REPS2: variants seen among roughly 807,000 people sequenced by gnomAD.
The protein encoded by REPS2 is ralBP1-associated Eps domain-containing protein 2.
In REPS2, 23 loss-of-function variants were observed where a neutral mutation model predicts 53.6. The ratio of observed to expected loss-of-function variants is 0.43; its 90% CI spans 0.31 to 0.61. REPS2 has a LOEUF of 0.61. Among genes scored for constraint, REPS2 ranks in the 20% least tolerant of loss-of-function variants. The pLI, the probability that REPS2 is intolerant of heterozygous loss-of-function variation, is 0.11. For missense variants in REPS2, 446 were observed against 534.9 expected (o/e 0.83, Z 1.64); for synonymous variants, 238 against 218.6 (o/e 1.09, Z -0.78).
chrX:17,024,285 TCAAA>T lies in REPS2; in HGVS notation c.547-757_547-754del, dbSNP rs111820217. ...CTGGGTGACAGAGCGAGACCCTGTC[TCAAA>T]CAAACAAACAAACAAAAAAAAGCAC... On this transcript the variant is annotated intron_variant, in intron 3 of 17. Coordinates refer to ENST00000357277, the MANE Select transcript of REPS2 (RefSeq NM_004726.3). 1.8e-3 allele frequency among the ~76,000 whole-genome samples: 197 copies of T among 106,904 alleles called. 1 individual carries two copies. Among genetic ancestry groups the T allele is most frequent in the Middle Eastern group, 4.7e-3 (1 of 211 alleles). The allele number at this position is 106,904 out of a possible 115,157, so 92.8% of individuals were successfully genotyped here.
At chrX:17,163,110 C>T in the REPS2 span, among the ~76,000 whole-genome samples, 5 of 111,221 alleles carry the variant, frequency 4.5e-5, no homozygotes, top group African/African-American at 1.3e-4. Context: ...GAAGGGAAAC[C>T]ATATCTTAAA....
chrX:16,991,230 C>A (rs1046333983), intron 1 of REPS2, among the ~76,000 whole-genome samples: 2 of 111,499 alleles, frequency 1.8e-5, no homozygotes. Flanking sequence ...GGTTTCTAGA[C>A]ACTAGACTCG....
chrX:17,182,186 CTATCATCT>C, the REPS2 span, among the ~76,000 whole-genome samples: 1 of 109,506 alleles, frequency 9.1e-6, no homozygotes. Flanking sequence ...ATCTATCTAT[CTATCATCT>C]ATCTATCTAT....
intron 6 of REPS2, 151 bp from the exon 7 acceptor site, chrX:17,052,231 C>T: frequency 5.3e-6 from 2 of 375,093 alleles, no homozygotes; most frequent in Non-Finnish European, 4.6e-6. Context: ...GCTTTTGGTC[C>T]CATGATTCAT....
At chrX:17,135,076 A>G (rs1259210082) in intron 15 of REPS2, among the ~76,000 whole-genome samples, 185 bp from the exon 16 acceptor site, 1 of 110,217 alleles carries the variant, frequency 9.1e-6, no homozygotes, top group Non-Finnish European at 1.9e-5. Flanking sequence ...GAAAAAGAAA[A>G]AAGGGAAGAC....
At chrX:17,076,212 C>A (rs5924546) in intron 12 of REPS2, among the ~76,000 whole-genome samples, 4 of 110,951 alleles carry the variant, frequency 3.6e-5, no homozygotes, top group Admixed American at 9.6e-5. Flanking sequence ...CTGATATATT[C>A]TAACTTCATA....
At position 17,073,507 on chromosome X, in the gene REPS2, A is replaced by C. The variant is rs900618694; in HGVS notation, c.1334-607A>C. ...GATTTAAATTTGATGAGGAAAAGTC[A>C]TATGGCTGGGAAAAGATTCAGCGAT... On this transcript the variant is annotated intron_variant, in intron 11 of 17. Transcript: ENST00000357277. Among the ~76,000 whole-genome samples, 7 of 112,009 alleles carry C rather than the reference A, an allele frequency of 6.2e-5. No homozygotes were observed. The Admixed American group carries it at 6.6e-4, about 11-fold the overall frequency.
chrX:17,002,981 G>A (rs1227222856), intron 1 of REPS2, among the ~76,000 whole-genome samples: 1 of 111,912 alleles, frequency 8.9e-6, no homozygotes, highest in Non-Finnish European at 1.9e-5. Context: ...AAAATGGAGG[G>A]GAAGAAGAAA....
chrX:16,982,896 G>A lies in REPS2; in HGVS notation c.274-23325G>A, dbSNP rs183977007. Among the ~76,000 whole-genome samples the A allele has an allele frequency of 2.7e-5, 3 of 112,510 alleles. No individual in the cohort carries two copies. In the East Asian group the frequency reaches 8.4e-4, roughly 31 times the overall value. ...TATGGAAAAAGTGTCATTTTAAGCC[G>A]TCAAGATTTGGTGACTATTTGATAC... On this transcript the variant is annotated intron_variant, in intron 1 of 17. Coordinates refer to ENST00000357277, the MANE Select transcript of REPS2 (RefSeq NM_004726.3).
chrX:17,074,263 G>C, intron 12 of REPS2, 104 bp downstream of exon 12: 1 of 753,861 alleles, frequency 1.3e-6, no homozygotes, highest in Non-Finnish European at 2.0e-6. Flanking sequence ...TCTTCCTTTA[G>C]ATGTAAAGCT....
intron 1 of REPS2, among the ~76,000 whole-genome samples, chrX:16,998,603 G>A (rs2061261611): frequency 9.0e-6 from 1 of 111,635 alleles, no homozygotes; most frequent in African/African-American, 3.3e-5. Flanking sequence ...CACCCTAGAT[G>A]GTTAAGCCAA....
At chrX:17,167,809 A>ACTT in the REPS2 span, among the ~76,000 whole-genome samples, 7 of 109,306 alleles carry the variant, frequency 6.4e-5, no homozygotes, top group African/African-American at 2.3e-4. Context: ...GATTTTAAAA[A>ACTT]CTTCTATCCA....
chrX:17,182,456 CAT>C, the REPS2 span, among the ~76,000 whole-genome samples: 1 of 111,703 alleles, frequency 9.0e-6, no homozygotes, highest in East Asian at 2.8e-4. Flanking sequence ...TAGTTTCAGA[CAT>C]AGTCTCCATG....
At chrX:17,090,545 G>A (rs373332361) in intron 13 of REPS2, among the ~76,000 whole-genome samples, 1 of 111,996 alleles carries the variant, frequency 8.9e-6, no homozygotes, top group East Asian at 2.8e-4. Context: ...AACCATGTCA[G>A]ATGTCTACTC....
rs184562236 is a variant in REPS2, at chrX:17,104,297, T to C, written c.1578+518T>C. ...GAGATAGCAGGAGGGGGAGAACATG[T>C]CACCAAGATCTGTTTCACCCCTAAA... On this transcript the variant is annotated intron_variant, in intron 14 of 17. Transcript: ENST00000357277. Among the ~76,000 whole-genome samples the C allele has an allele frequency of 1.2e-3, 136 of 112,000 alleles. No individual in the cohort carries two copies. In the Middle Eastern group the frequency reaches 0.019, roughly 15 times the overall value.
At chrX:16,951,591 C>T (rs925404959) in intron 1 of REPS2, among the ~76,000 whole-genome samples, 2 of 105,673 alleles carry the variant, frequency 1.9e-5, no homozygotes, top group Non-Finnish European at 3.9e-5. Flanking sequence ...TGGGGCATGC[C>T]TGTAGTCCCA....
At chrX:16,969,345 A>G (rs1350275593) in intron 1 of REPS2, among the ~76,000 whole-genome samples, 3 of 111,833 alleles carry the variant, frequency 2.7e-5, no homozygotes. Context: ...AGAGGCTGCA[A>G]TCTCGGCACT....
intron 14 of REPS2, among the ~76,000 whole-genome samples, chrX:17,120,680 G>C (rs1177515111): frequency 9.0e-6 from 1 of 111,564 alleles, no homozygotes; most frequent in Non-Finnish European, 1.9e-5. Flanking sequence ...TAAAGCACTT[G>C]CAGTCAAAGC....
At chrX:17,046,511 G>C (rs2061909281) in intron 5 of REPS2, among the ~76,000 whole-genome samples, 1 of 111,755 alleles carries the variant, frequency 8.9e-6, no homozygotes, top group Non-Finnish European at 1.9e-5. Flanking sequence ...TCTTGGTCCT[G>C]TTAAGGTGGC....
Sources: allele counts gnomAD v4.1 joint callset (sites outside exome capture counted in the v4.1 genomes callset), GRCh38; gene constraint gnomAD v4.1.1; transcripts MANE v1.5; gene names NCBI Gene and HGNC (gene_info 2026-07-23, HGNC 2026-07-21).